AGBL1: variants seen among roughly 807,000 people sequenced by gnomAD.
The protein encoded by AGBL1 is cytosolic carboxypeptidase 4.
Under a neutral mutation model 118.9 loss-of-function variants are expected in AGBL1, and 130 were observed. The observed-to-expected ratio is 1.09, with a 90% CI of 0.95 to 1.26. The LOEUF is 1.26. Ranked by LOEUF, AGBL1 falls within the 50% of genes most tolerant of loss-of-function variation. The pLI is 0.00. For missense variants in AGBL1, 1,584 were observed against 1,298.1 expected (o/e 1.22, Z -3.38); for synonymous variants, 555 against 478.9 (o/e 1.16, Z -2.08).
At chr15:86,113,265 CTTTCTTTCTTTTTCTTTCTTTCT>C (rs1897537300) in intron 1 of AGBL1, among the ~76,000 whole-genome samples, 25 of 70,220 alleles carry the variant, frequency 3.6e-4, no homozygotes, top group African/African-American at 1.1e-3. Flanking sequence ...TTCTTTCTTT[CTTTCTTTCTTTTTCTTTCTTTCT>C]TTTTTTTTTT....
chr15:86,784,530 A>G (rs1365899956), intron 22 of AGBL1, among the ~76,000 whole-genome samples: 1 of 152,184 alleles, frequency 6.6e-6, no homozygotes, highest in Non-Finnish European at 1.5e-5. Flanking sequence ...CCTTGGGTTC[A>G]TGATTCTGCT....
At chr15:86,700,265 G>A (rs929776575) in intron 22 of AGBL1, among the ~76,000 whole-genome samples, 8 of 151,862 alleles carry the variant, frequency 5.3e-5, no homozygotes, top group African/African-American at 4.8e-5. Context: ...CATGCTGGCT[G>A]TTGTATCCTT....
chr15:86,686,732 T>A (rs2086064713), intron 22 of AGBL1, among the ~76,000 whole-genome samples: 1 of 152,122 alleles, frequency 6.6e-6, no homozygotes, highest in Non-Finnish European at 1.5e-5. Context: ...CCACCATGCC[T>A]GGCCTCTAAG....
chr15:86,412,758 C>G (rs2081640646), intron 18 of AGBL1, among the ~76,000 whole-genome samples: 1 of 152,144 alleles, frequency 6.6e-6, no homozygotes, highest in Non-Finnish European at 1.5e-5. Context: ...ACACTTCTTC[C>G]CTAAACCACT....
At chr15:86,461,087 C>T (rs1358185867) in intron 18 of AGBL1, among the ~76,000 whole-genome samples, 1 of 152,146 alleles carries the variant, frequency 6.6e-6, no homozygotes, top group Non-Finnish European at 1.5e-5. Flanking sequence ...CTTGGCTCAG[C>T]TCCTCAGGGA....
At chr15:86,298,246 A>AATAT (rs59968237) in intron 17 of AGBL1, among the ~76,000 whole-genome samples, 2,582 of 69,600 alleles carry the variant, frequency 0.037, 116 homozygotes, top group East Asian at 0.073. Context: ...GTCTGTGTAT[A>AATAT]ATATATATAT....
chr15:86,725,863 C>G (rs1212855810), intron 22 of AGBL1, among the ~76,000 whole-genome samples: 1 of 152,166 alleles, frequency 6.6e-6, no homozygotes, highest in Non-Finnish European at 1.5e-5. Context: ...TTCACTAAAG[C>G]CCTTCTAAGT....
chr15:86,286,456 A>G (rs1018810022), intron 16 of AGBL1, among the ~76,000 whole-genome samples: 4 of 151,564 alleles, frequency 2.6e-5, no homozygotes, highest in East Asian at 3.9e-4. Flanking sequence ...ACATCTCTCC[A>G]TTCCTCCCCC....
intron 24 of AGBL1, among the ~76,000 whole-genome samples, chr15:87,028,095 G>A (rs1260681637): frequency 6.6e-6 from 1 of 151,350 alleles, no homozygotes; most frequent in African/African-American, 2.4e-5. Context: ...GAAAAAAAAA[G>A]GAAAGTCTCC....
intron 19 of AGBL1, among the ~76,000 whole-genome samples, chr15:86,540,835 ATGTCTCCT>A (rs1485497739): frequency 1.3e-5 from 2 of 152,172 alleles, no homozygotes; most frequent in African/African-American, 4.8e-5. Context: ...AAGCAGAACA[ATGTCTCCT>A]TCTCCTTCAC....
chr15:86,813,885 G>A (rs1020106686), intron 22 of AGBL1, among the ~76,000 whole-genome samples: 1 of 152,274 alleles, frequency 6.6e-6, no homozygotes, highest in East Asian at 1.9e-4. Context: ...GTAAGAGCTA[G>A]GGAGAAACAT....
At chr15:86,802,201 C>A (rs1286139276) in intron 22 of AGBL1, among the ~76,000 whole-genome samples, 6 of 152,022 alleles carry the variant, frequency 3.9e-5, no homozygotes, top group Admixed American at 3.9e-4. Flanking sequence ...CAGCTCTCAA[C>A]TTTGAATTAT....
At chr15:86,692,835 A>G (rs78362781) in intron 22 of AGBL1, among the ~76,000 whole-genome samples, 13,984 of 152,124 alleles carry the variant, frequency 0.092, 783 homozygotes, top group African/African-American at 0.15. Flanking sequence ...CTGAGCTTCC[A>G]CTTATGAGTG....
intron 22 of AGBL1, among the ~76,000 whole-genome samples, chr15:86,877,728 C>G (rs1231333673): frequency 6.6e-6 from 1 of 152,116 alleles, no homozygotes; most frequent in East Asian, 1.9e-4. Context: ...ACAAAGAAGC[C>G]CAAGGGACAC....
At position 86,913,950 on chromosome 15, in the gene AGBL1, T is replaced by C. The variant is rs1052108085; in HGVS notation, c.*6656T>C. On this transcript the variant is annotated 3_prime_UTR_variant, in exon 23 of 23. Transcript: ENST00000614907. ...GATTTCAATGATCTTTTATAGTCTC[T>C]AGGCTCTTATGGGGTTAAAATGATT... is the stretch of plus-strand genomic sequence containing the variant. 5.3e-5 allele frequency: 8 copies of C among 152,216 alleles called. No homozygotes were observed. Among genetic ancestry groups the C allele is most frequent in the African/African-American group, 1.9e-4 (8 of 41,454 alleles). 9.4% of individuals were successfully genotyped at this position (152,216 alleles called of 1,614,324 possible). A position where few individuals can be genotyped will look rare whatever the true frequency, so the allele number is the denominator to read the frequency against.
chr15:86,977,957 A>ATTTT (rs1441500993), intron 23 of AGBL1, among the ~76,000 whole-genome samples: 1 of 152,148 alleles, frequency 6.6e-6, no homozygotes, highest in East Asian at 1.9e-4. Context: ...ATTTAAAATA[A>ATTTT]GAAATGTTAA....
At chr15:86,760,467 A>G (rs1259855503) in intron 22 of AGBL1, among the ~76,000 whole-genome samples, 1 of 152,090 alleles carries the variant, frequency 6.6e-6, no homozygotes, top group East Asian at 1.9e-4. Context: ...CTAAATGCAG[A>G]GAAAAACCAC....
At chr15:86,473,708 C>T (rs896465359) in intron 18 of AGBL1, among the ~76,000 whole-genome samples, 1 of 151,988 alleles carries the variant, frequency 6.6e-6, no homozygotes, top group Non-Finnish European at 1.5e-5. Flanking sequence ...ATAATTTTTC[C>T]AAATTGTGAT....
chr15:86,151,519 C>G (rs2077110548), intron 3 of AGBL1, among the ~76,000 whole-genome samples: 1 of 152,100 alleles, frequency 6.6e-6, no homozygotes, highest in Non-Finnish European at 1.5e-5. Flanking sequence ...ATTGATGGAA[C>G]ATATCTCAAA....
Sources: allele counts gnomAD v4.1 joint callset (sites outside exome capture counted in the v4.1 genomes callset), GRCh38; gene constraint gnomAD v4.1.1; transcripts MANE v1.5; gene names NCBI Gene and HGNC (gene_info 2026-07-23, HGNC 2026-07-21).